Variants in EYS observed in about 807,000 individuals in gnomAD.
EYS encodes the protein protein eyes shut homolog.
Under a neutral mutation model 282.1 loss-of-function variants are expected in EYS, and 250 were observed. That is an observed-to-expected ratio of 0.89 (90% CI 0.80 to 0.98). EYS has a LOEUF of 0.98. EYS is among the 50% of genes least tolerant of loss of function. The pLI is 0.00. For synonymous variants in EYS, 1,355 were observed against 1,282.9 expected (o/e 1.06, Z -1.20); for missense variants, 4,016 against 3,709.0 (o/e 1.08, Z -2.15).
intron 31 of EYS, among the ~76,000 whole-genome samples, chr6:64,193,319 T>A (rs373352282): frequency 6.6e-6 from 1 of 150,836 alleles, no homozygotes; most frequent in East Asian, 1.9e-4. Flanking sequence ...TGTTTTTTCT[T>A]TTTTTTTTGG....
At chr6:63,899,293 G>A (rs932311334) in intron 35 of EYS, among the ~76,000 whole-genome samples, 3 of 151,744 alleles carry the variant, frequency 2.0e-5, no homozygotes, top group Admixed American at 1.3e-4. Context: ...TTTTTTCTGA[G>A]TATCTTCACA....
At chr6:65,017,803 T>C (rs1371631112) in intron 13 of EYS, among the ~76,000 whole-genome samples, 1 of 152,218 alleles carries the variant, frequency 6.6e-6, no homozygotes, top group African/African-American at 2.4e-5. Flanking sequence ...GCTTTAGCTT[T>C]ATTTGTAATA....
At chr6:65,461,231 C>T (rs1359803266) in intron 5 of EYS, among the ~76,000 whole-genome samples, 1 of 152,028 alleles carries the variant, frequency 6.6e-6, no homozygotes, top group Non-Finnish European at 1.5e-5. Flanking sequence ...CCCAATGGTG[C>T]CAAACATAAA....
chr6:63,893,803 G>A (rs1332307065), intron 35 of EYS, among the ~76,000 whole-genome samples: 1 of 152,170 alleles, frequency 6.6e-6, no homozygotes, highest in Non-Finnish European at 1.5e-5. Flanking sequence ...AAAATTCAGA[G>A]CAGATGTTTT....
At chr6:64,435,054 T>G (rs1774693507) in intron 28 of EYS, among the ~76,000 whole-genome samples, 1 of 152,042 alleles carries the variant, frequency 6.6e-6, no homozygotes, top group African/African-American at 2.4e-5. Flanking sequence ...GAGATGGCAT[T>G]TTCCAAAGTG....
chr6:64,557,733 A>C (rs541551256), intron 26 of EYS, among the ~76,000 whole-genome samples: 1 of 152,084 alleles, frequency 6.6e-6, no homozygotes, highest in Non-Finnish European at 1.5e-5. Flanking sequence ...GCAGTAATTT[A>C]TTATAGGGGT....
intron 8 of EYS, among the ~76,000 whole-genome samples, chr6:65,365,587 C>A (rs12205154): frequency 0.68 from 102,637 of 151,350 alleles, 35,056 homozygotes; most frequent in South Asian, 0.71. Context: ...ATTACAAAGC[C>A]TAAGGTAAGA....
At chr6:63,939,306 G>A (rs2149756853) in intron 35 of EYS, among the ~76,000 whole-genome samples, 1 of 152,236 alleles carries the variant, frequency 6.6e-6, no homozygotes, top group South Asian at 2.1e-4. Flanking sequence ...TCATAGGCAT[G>A]ATAAAGACGC....
chr6:63,939,747 CA>C (rs1765177965), intron 35 of EYS, among the ~76,000 whole-genome samples: 1 of 151,704 alleles, frequency 6.6e-6, no homozygotes, highest in East Asian at 1.9e-4. Context: ...ATGCATAATA[CA>C]TATGTAGATA....
intron 15 of EYS, among the ~76,000 whole-genome samples, chr6:64,944,720 C>A (rs1034657171): frequency 1.3e-5 from 2 of 152,014 alleles, no homozygotes; most frequent in African/African-American, 4.8e-5. Context: ...TGTCTCCTGC[C>A]TGTCCCTGGG....
At chr6:65,657,071 A>G (rs1283456629) in intron 1 of EYS, among the ~76,000 whole-genome samples, 2 of 151,880 alleles carry the variant, frequency 1.3e-5, no homozygotes, top group South Asian at 2.1e-4. Context: ...ACATCTGTTT[A>G]CAGCATGATT....
intron 11 of EYS, among the ~76,000 whole-genome samples, chr6:65,333,558 T>C (rs1769872656): frequency 2.6e-5 from 4 of 151,738 alleles, no homozygotes. Context: ...CTAGATGATT[T>C]ATAGTGTTGT....
At chr6:64,757,552 TG>T (rs1374295591) in intron 22 of EYS, among the ~76,000 whole-genome samples, 1 of 152,092 alleles carries the variant, frequency 6.6e-6, no homozygotes, top group Non-Finnish European at 1.5e-5. Flanking sequence ...CGTCTTAATT[TG>T]TATCATTTAA....
chr6:65,440,838 A>T (rs116804586), intron 5 of EYS, among the ~76,000 whole-genome samples: 1 of 145,360 alleles, frequency 6.9e-6, no homozygotes, highest in South Asian at 2.1e-4. Context: ...GTAGAAAAAA[A>T]ATATGTGTAT....
chr6:64,587,060 G>A (rs2149828552), intron 26 of EYS, among the ~76,000 whole-genome samples: 1 of 152,152 alleles, frequency 6.6e-6, no homozygotes, highest in South Asian at 2.1e-4. Context: ...ATTTAATAGA[G>A]CTGTCACCGT....
intron 33 of EYS, among the ~76,000 whole-genome samples, chr6:64,025,330 G>T (rs149784097): frequency 1.1e-4 from 16 of 152,194 alleles, no homozygotes; most frequent in African/African-American, 3.4e-4. Flanking sequence ...CAGCTCCGAG[G>T]TCCCAACAAC....
intron 35 of EYS, among the ~76,000 whole-genome samples, chr6:63,955,804 G>T (rs1003567107): frequency 1.1e-4 from 17 of 152,090 alleles, no homozygotes; most frequent in African/African-American, 3.9e-4. Context: ...TCTCTAATAG[G>T]ATGTCCTGGG....
intron 35 of EYS, among the ~76,000 whole-genome samples, chr6:63,865,367 T>A (rs1009821519): frequency 6.6e-6 from 1 of 152,252 alleles, no homozygotes; most frequent in Non-Finnish European, 1.5e-5. Flanking sequence ...ACTCTGTAGT[T>A]ATGTGAGACA....
At chr6:65,386,384 G>A (rs9345617) in intron 7 of EYS, among the ~76,000 whole-genome samples, 62,295 of 151,040 alleles carry the variant, frequency 0.41, 13,782 homozygotes, top group South Asian at 0.5. Context: ...AGAAACATGC[G>A]CTTGTATCCC....
Sources: allele counts gnomAD v4.1 joint callset (sites outside exome capture counted in the v4.1 genomes callset), GRCh38; gene constraint gnomAD v4.1.1; transcripts MANE v1.5; gene names NCBI Gene and HGNC (gene_info 2026-07-23, HGNC 2026-07-21).